The following PRKN variants were observed in gnomAD, a reference collection of about 807,000 sequenced individuals.
PRKN encodes E3 ubiquitin-protein ligase parkin.
PRKN carries 56 observed loss-of-function variants against 59.5 expected under a neutral mutation model. The ratio of observed to expected loss-of-function variants is 0.94; its 90% confidence interval spans 0.76 to 1.18. The LOEUF (loss-of-function observed/expected upper bound fraction) is 1.18, where lower values mean the gene tolerates loss of function less well. Ranked by LOEUF, PRKN falls within the 50% of genes most tolerant of loss-of-function variation. PRKN has a pLI of 0.00. For missense variants in PRKN, 657 were observed against 596.4 expected (o/e 1.10, Z -1.06); for synonymous variants, 250 against 222.1 (o/e 1.13, Z -1.12).
Position 161,348,864 on chromosome 6 carries a change from T to C in PRKN, c.*1235A>G, listed in dbSNP as rs1784422658. The stretch of plus-strand genomic sequence containing the variant: ...GGTTTGCCGCATGCAGTGTTGTTAA[T>C]CTTTTGATTGTGTTGTGAATGGCTG... On this transcript the variant is annotated 3_prime_UTR_variant, in exon 12 of 12. Transcript: ENST00000366898. The surrounding 1 kb of genome is among the most constrained non-coding windows in gnomAD (Gnocchi z 4.9). 1 of 206,616 alleles carries C rather than the reference T, an allele frequency of 4.8e-6. No individual in the cohort carries two copies. Among genetic ancestry groups the C allele is most frequent in the African/African-American group, 2.3e-5 (1 of 43,838 alleles). 12.8% of individuals were successfully genotyped at this position (206,616 alleles called of 1,614,324 possible).
At position 161,538,928 on chromosome 6, in the gene PRKN, G is replaced by C. The variant is rs1051467778; in HGVS notation, c.1083+9926C>G. 6.6e-6 allele frequency among the ~76,000 whole-genome samples: 1 copy of C among 152,174 alleles called. No homozygotes were observed. The highest frequency in any genetic ancestry group is 2.4e-5 in the African/African-American group (1 of 41,438). On this transcript the variant is annotated intron_variant, in intron 9 of 11. Transcript: ENST00000366898. The surrounding 1 kb of genome is among the most constrained non-coding windows in gnomAD (Gnocchi z 4.2). ...TCTGCCTAAATGTCATGAACAACAG[G>C]AATAACAGCAGGTACTTAGCGCTGA...
chr6:162,359,009 G>A (rs546996763), intron 2 of PRKN, among the ~76,000 whole-genome samples: 40 of 144,144 alleles, frequency 2.8e-4, no homozygotes, highest in Non-Finnish European at 4.5e-4. Flanking sequence ...GCAGTGAGCC[G>A]AGATTGTGCT....
At chr6:161,524,200 C>T (rs1352376877) in intron 9 of PRKN, among the ~76,000 whole-genome samples, 2 of 152,130 alleles carry the variant, frequency 1.3e-5, no homozygotes, top group African/African-American at 4.8e-5. Context: ...ACTCCCTGAG[C>T]AGCAAGGGTG....
chr6:162,477,184 T>C (rs1011944344), intron 1 of PRKN, among the ~76,000 whole-genome samples: 6 of 152,132 alleles, frequency 3.9e-5, no homozygotes, highest in African/African-American at 1.4e-4. Flanking sequence ...TTTCCTGAAA[T>C]CACACAATCT....
At chr6:162,122,239 A>C (rs1296615059) in intron 4 of PRKN, among the ~76,000 whole-genome samples, 1 of 152,126 alleles carries the variant, frequency 6.6e-6, no homozygotes, top group African/African-American at 2.4e-5. Flanking sequence ...CTTGGGCAGC[A>C]TACAACCTCC....
rs1174768783 is a variant in PRKN, at chr6:162,561,842, TGTGAAAGGCA to T, written c.8-118379_8-118370del. ...ACAGCACTCTGAGTCTCCAGGTCAATGTGAAAGGCAGTCTAGGCCATAAGGACTACAACTA... is the reference window on the plus strand; with the variant it reads ...ACAGCACTCTGAGTCTCCAGGTCAATGTCTAGGCCATAAGGACTACAACTA... On this transcript the variant is annotated intron_variant, in intron 1 of 11. Transcript: ENST00000366898. Among the ~76,000 whole-genome samples, 34 of 152,222 alleles carry T rather than the reference TGTGAAAGGCA, an allele frequency of 2.2e-4. 1 individual carries two copies. The South Asian group carries it at 6.6e-3, about 30-fold the overall frequency.
At chr6:161,513,258 T>G (rs1169409374) in intron 9 of PRKN, among the ~76,000 whole-genome samples, 2 of 152,214 alleles carry the variant, frequency 1.3e-5, no homozygotes, top group Non-Finnish European at 2.9e-5. Context: ...CTTTGTTTTT[T>G]GAGATGGGGT....
intron 6 of PRKN, among the ~76,000 whole-genome samples, chr6:161,796,988 A>G (rs1469580479): frequency 1.3e-5 from 2 of 152,222 alleles, no homozygotes; most frequent in African/African-American, 4.8e-5. Context: ...TAAGAACCCC[A>G]CTGTGAAATA....
At chr6:161,666,469 G>A (rs1784730815) in intron 7 of PRKN, among the ~76,000 whole-genome samples, 1 of 152,156 alleles carries the variant, frequency 6.6e-6, no homozygotes, top group Non-Finnish European at 1.5e-5. Context: ...TTCTTCCACG[G>A]AAACTGGTCC....
At chr6:161,383,260 C>T (rs1248644245) in intron 10 of PRKN, among the ~76,000 whole-genome samples, 1 of 152,186 alleles carries the variant, frequency 6.6e-6, no homozygotes, top group Non-Finnish European at 1.5e-5. Context: ...GTTATCAAAT[C>T]GAATTGGGTC....
chr6:161,732,485 T>TGTGTGTGTG (rs113804410), intron 7 of PRKN, among the ~76,000 whole-genome samples: 48 of 146,506 alleles, frequency 3.3e-4, no homozygotes, highest in African/African-American at 1.2e-3. Context: ...TTTTTTTTTT[T>TGTGTGTGTG]TGTGTGTGTG....
At chr6:162,236,428 A>G (rs1438655201) in intron 3 of PRKN, among the ~76,000 whole-genome samples, 1 of 152,034 alleles carries the variant, frequency 6.6e-6, no homozygotes, top group African/African-American at 2.4e-5. Context: ...TTACTATCCC[A>G]TATGTCTTTC....
intron 6 of PRKN, among the ~76,000 whole-genome samples, chr6:161,823,935 G>A (rs559277500): frequency 6.6e-6 from 1 of 152,318 alleles, no homozygotes; most frequent in African/African-American, 2.4e-5. Flanking sequence ...CTCCAGCACT[G>A]CCTCTGGTAG....
chr6:161,946,386 T>TCACACACACACACACACA (rs368190954), intron 6 of PRKN, among the ~76,000 whole-genome samples: 27 of 113,512 alleles, frequency 2.4e-4, no homozygotes, highest in Middle Eastern at 4.7e-3. Flanking sequence ...TGCATGCACA[T>TCACACACACACACACACA]CACACACACA....
Position 162,439,094 on chromosome 6 carries a change from T to G in PRKN, c.171+4216A>C, listed in dbSNP as rs369777640. On this transcript the variant is annotated intron_variant, in intron 2 of 11. Coordinates refer to ENST00000366898, the MANE Select transcript of PRKN (RefSeq NM_004562.3). ...ATGTCAAACCCATCAGTGAGTGTTT[T>G]ATTTCAGAAATTTCAAACAAGAGGC... Among the ~76,000 whole-genome samples, 11 of 152,294 alleles carry G rather than the reference T, an allele frequency of 7.2e-5. No individual in the cohort carries two copies. In the East Asian group the frequency reaches 1.7e-3, roughly 24 times the overall value.
At chr6:162,232,744 T>C (rs545826665) in intron 3 of PRKN, among the ~76,000 whole-genome samples, 2 of 152,236 alleles carry the variant, frequency 1.3e-5, no homozygotes, top group South Asian at 4.2e-4. Flanking sequence ...GCTGCCTTAA[T>C]CAAGTAAGAA....
intron 2 of PRKN, among the ~76,000 whole-genome samples, chr6:162,354,927 T>A (rs532465467): frequency 1.3e-5 from 2 of 152,090 alleles, no homozygotes; most frequent in South Asian, 2.1e-4. Context: ...GGTTTTTTTT[T>A]AAATGCAAAC....
At chr6:162,530,963 A>C (rs1778487109) in intron 1 of PRKN, among the ~76,000 whole-genome samples, 1 of 150,074 alleles carries the variant, frequency 6.7e-6, no homozygotes. Flanking sequence ...AGCCTGAGGC[A>C]GGAGAATTGC....
chr6:161,969,175 C>T (rs1196040484), intron 6 of PRKN, among the ~76,000 whole-genome samples: 3 of 151,892 alleles, frequency 2.0e-5, no homozygotes, highest in African/African-American at 4.8e-5. Context: ...TGTCCATTAC[C>T]GTGGACCTGC....
Sources: gnomAD v4.1 joint callset for allele counts (sites outside exome capture counted in the v4.1 genomes callset) on GRCh38, gnomAD v4.1.1 for gene constraint, Gnocchi (gnomAD v3.1) non-coding constraint, MANE v1.5 for transcripts, NCBI Gene and HGNC (gene_info 2026-07-23, HGNC 2026-07-21) for gene names.